Variants in TMEFF2 observed in about 807,000 individuals in gnomAD.
TMEFF2 encodes tomoregulin-2.
In TMEFF2, 28 loss-of-function variants were observed where a neutral mutation model predicts 53.8. That is an observed-to-expected ratio of 0.52 (90% CI 0.39 to 0.71). The LOEUF (loss-of-function observed/expected upper bound fraction) is 0.71. Among genes scored for constraint, TMEFF2 ranks in the 30% least tolerant of loss-of-function variants. TMEFF2 has a pLI of 0.00. For missense variants in TMEFF2, 353 were observed against 455.2 expected, an observed-to-expected ratio of 0.78 and a Z score of 2.04; for synonymous variants, 162 against 166.3, an observed-to-expected ratio of 0.97 and a Z score of 0.20.
Position 191,949,452 on chromosome 2 carries a change from C to G in TMEFF2, c.*859G>C. On this transcript the variant is annotated 3_prime_UTR_variant, in exon 10 of 10. Coordinates refer to ENST00000272771, the MANE Select transcript of TMEFF2 (RefSeq NM_016192.4). ...TATATACTATACATATTGTATGGTGCTTTTGAGAATTCACGATTTTGGTGT... is the reference window on the plus strand; with the variant it reads ...TATATACTATACATATTGTATGGTGGTTTTGAGAATTCACGATTTTGGTGT... 4 of 985,296 alleles carry G rather than the reference C, an allele frequency of 4.1e-6. No individual in the cohort carries two copies. The highest frequency in any genetic ancestry group is 3.6e-6 in the Non-Finnish European group (3 of 829,892). 61.0% of individuals were successfully genotyped at this position (985,296 alleles called of 1,614,324 possible).
intron 4 of TMEFF2, among the ~76,000 whole-genome samples, chr2:192,127,108 T>C (rs1448038168): frequency 2.6e-5 from 4 of 152,196 alleles, no homozygotes; most frequent in Non-Finnish European, 5.9e-5. Flanking sequence ...CACCAGGCTT[T>C]CTGACAGATG....
intron 5 of TMEFF2, among the ~76,000 whole-genome samples, chr2:192,025,397 A>G (rs1686949401): frequency 6.6e-6 from 1 of 150,408 alleles, no homozygotes; most frequent in African/African-American, 2.4e-5. Context: ...TTTTAATTTA[A>G]TGATATAGCG....
intron 4 of TMEFF2, among the ~76,000 whole-genome samples, chr2:192,062,405 A>G (rs1027583090): frequency 2.0e-5 from 3 of 152,114 alleles, no homozygotes; most frequent in African/African-American, 7.2e-5. Context: ...CTGTTGAAGG[A>G]TATCTGGGTT....
chr2:192,103,139 T>C (rs1481622343), intron 4 of TMEFF2, among the ~76,000 whole-genome samples: 2 of 152,308 alleles, frequency 1.3e-5, no homozygotes, highest in South Asian at 2.1e-4. Context: ...TATAACTCAG[T>C]GTTTCATCGA....
chr2:192,065,635 T>C (rs911828364), intron 4 of TMEFF2, among the ~76,000 whole-genome samples: 4 of 151,754 alleles, frequency 2.6e-5, no homozygotes, highest in Admixed American at 6.6e-5. Flanking sequence ...TAGTTCTTGA[T>C]AGGCTTATCT....
intron 2 of TMEFF2, among the ~76,000 whole-genome samples, chr2:192,189,742 T>C (rs986784204): frequency 6.6e-6 from 1 of 152,088 alleles, no homozygotes; most frequent in Non-Finnish European, 1.5e-5. Context: ...AAGAGACTCT[T>C]AGCTTAAAAT....
intron 4 of TMEFF2, among the ~76,000 whole-genome samples, chr2:192,068,458 A>G (rs763668698): frequency 1.3e-5 from 2 of 151,884 alleles, no homozygotes; most frequent in Non-Finnish European, 2.9e-5. Flanking sequence ...TGAAACATCT[A>G]AATTTGGTTT....
chr2:192,132,568 A>G (rs1258642456), intron 4 of TMEFF2, among the ~76,000 whole-genome samples: 2 of 151,830 alleles, frequency 1.3e-5, no homozygotes, highest in African/African-American at 2.4e-5. Context: ...TAATGAAAAA[A>G]AAAAGTTGCA....
At chr2:192,013,171 G>T (rs558423577) in intron 5 of TMEFF2, among the ~76,000 whole-genome samples, 12 of 152,214 alleles carry the variant, frequency 7.9e-5, no homozygotes, top group African/African-American at 2.4e-4. Flanking sequence ...CCTTACCGTG[G>T]TTCATGAGGC....
chr2:192,084,613 C>G (rs1688628211), intron 4 of TMEFF2, among the ~76,000 whole-genome samples: 1 of 152,136 alleles, frequency 6.6e-6, no homozygotes, highest in Admixed American at 6.5e-5. Context: ...TTCAAACATG[C>G]TTATATGTTG....
At chr2:192,009,727 A>G (rs1686582093) in intron 5 of TMEFF2, among the ~76,000 whole-genome samples, 1 of 152,172 alleles carries the variant, frequency 6.6e-6, no homozygotes, top group Non-Finnish European at 1.5e-5. Context: ...CTGGAAAGAG[A>G]AGACGGGAAA....
Position 192,167,024 on chromosome 2 carries a change from T to C in TMEFF2, c.439+12644A>G, listed in dbSNP as rs927899935. Among the ~76,000 whole-genome samples the C allele has an allele frequency of 1.2e-4, 18 of 152,232 alleles. 1 individual carries two copies. Among genetic ancestry groups the C allele is most frequent in the Admixed American group, 1.0e-3 (16 of 15,268 alleles). ...TGGCTCTTGAAAAGGCATCAAAATA[T>C]GTTGCTTTTATCAACCTCACTTAAA... On this transcript the variant is annotated intron_variant, in intron 4 of 9. Transcript: ENST00000272771.
intron 7 of TMEFF2, among the ~76,000 whole-genome samples, chr2:191,972,607 A>T (rs539006917): frequency 1.3e-5 from 2 of 152,082 alleles, no homozygotes; most frequent in African/African-American, 4.8e-5. Flanking sequence ...ACAATGTCCC[A>T]GTCTTCAACT....
At chr2:192,004,443 T>C (rs912949587) in intron 5 of TMEFF2, among the ~76,000 whole-genome samples, 1 of 152,154 alleles carries the variant, frequency 6.6e-6, no homozygotes, top group Non-Finnish European at 1.5e-5. Flanking sequence ...CTTGTCAGTT[T>C]ATTGCTACAT....
rs888346049 is a variant in TMEFF2, at chr2:192,061,785, CAGTT to C, written c.440-4014_440-4011del. The stretch of plus-strand genomic sequence containing the variant: ...CCTTGGTGATGAGGGAGTTCTCACT[CAGTT>C]AGTTCACATGAGATCTGCTTGTTTA... On this transcript the variant is annotated intron_variant, in intron 4 of 9. Coordinates refer to ENST00000272771, the MANE Select transcript of TMEFF2 (RefSeq NM_016192.4). 3.9e-4 allele frequency among the ~76,000 whole-genome samples: 59 copies of C among 152,094 alleles called. 2 individuals are homozygous for C. Among genetic ancestry groups the C allele is most frequent in the Admixed American group, 2.6e-4 (4 of 15,256 alleles).
chr2:191,949,772 TAG>T lies in TMEFF2; in HGVS notation c.*537_*538del. 1.0e-6 allele frequency: 1 copy of T among 985,288 alleles called. No homozygotes were observed. Among genetic ancestry groups the T allele is most frequent in the Non-Finnish European group, 1.2e-6 (1 of 829,802 alleles). 61.0% of individuals were successfully genotyped at this position (985,288 alleles called of 1,614,324 possible). ...AGACCAGGGAAGAAAGTTGATGAAA[TAG>T]AGATGATTCAAAGATCGGAAATATT... On this transcript the variant is annotated 3_prime_UTR_variant, in exon 10 of 10. Coordinates refer to ENST00000272771, the MANE Select transcript of TMEFF2 (RefSeq NM_016192.4).
At chr2:192,010,345 A>T (rs34387233) in intron 5 of TMEFF2, among the ~76,000 whole-genome samples, 67,810 of 152,066 alleles carry the variant, frequency 0.45, 17,600 homozygotes, top group South Asian at 0.58. Flanking sequence ...GCGATGAAGG[A>T]CTTTAAGTAG....
At chr2:191,964,300 T>G (rs1450754739) in intron 7 of TMEFF2, among the ~76,000 whole-genome samples, 1 of 150,198 alleles carries the variant, frequency 6.7e-6, no homozygotes, top group Non-Finnish European at 1.5e-5. Context: ...TCTTTCCTTC[T>G]TTCCTTCTTT....
chr2:191,997,105 ATTCTT>A (rs1163707759), intron 7 of TMEFF2, among the ~76,000 whole-genome samples: 1 of 151,954 alleles, frequency 6.6e-6, no homozygotes, highest in African/African-American at 2.4e-5. Context: ...TCACTGAACT[ATTCTT>A]TTCAAGGAAC....
Sources: allele counts gnomAD v4.1 joint callset (sites outside exome capture counted in the v4.1 genomes callset), GRCh38; gene constraint gnomAD v4.1.1; transcripts MANE v1.5; gene names NCBI Gene and HGNC (gene_info 2026-07-23, HGNC 2026-07-21).